The following RTL5 variants were observed in gnomAD, a reference collection of about 807,000 sequenced individuals.
The protein encoded by RTL5 is retrotransposon Gag like 5, also known as retrotransposon Gag-like protein 5.
In RTL5, 8 loss-of-function variants were observed where a neutral mutation model predicts 7.7. The observed-to-expected ratio is 1.04, with a 90% CI of 0.61 to 1.88. RTL5 has a LOEUF of 1.88. Ranked by LOEUF, RTL5 falls within the 40% of genes most tolerant of loss-of-function variation. RTL5 has a pLI of 0.00. For synonymous variants in RTL5, 188 were observed against 191.8 expected (o/e 0.98, Z 0.16); for missense variants, 457 against 472.7 (o/e 0.97, Z 0.31).
chrX:72,129,512 A>G lies in RTL5; in HGVS notation c.*319T>C, dbSNP rs10126749. 6.4e-3 allele frequency: 1,668 copies of G among 260,857 alleles called. 29 individuals are homozygous for G. Among genetic ancestry groups the G allele is most frequent in the African/African-American group, 0.042 (1,543 of 36,421 alleles). 21.5% of individuals were successfully genotyped at this position (260,857 alleles called of 1,213,427 possible). A position where few individuals can be genotyped will look rare whatever the true frequency, so the allele number is the denominator to read the frequency against. ...TGAGGGTTAGGAACAACCAGAGGGG[A>G]AATACAAGAGGGTGACCAGTTCATT... On this transcript the variant is annotated 3_prime_UTR_variant, in exon 1 of 1. Transcript: ENST00000609883.
exon 1 of RTL5, chrX:72,129,916 T>G: frequency 2.5e-6 from 3 of 1,211,006 alleles, no homozygotes; most frequent in Non-Finnish European, 3.4e-6. Flanking sequence ...TCTTCGAACT[T>G]GGCGTTGTCC....
chrX:72,131,672 G>A, exon 1 of RTL5: 1 of 610,016 alleles, frequency 1.6e-6, no homozygotes. Context: ...GCACGGGCCA[G>A]GCCGGGCCAC....
exon 1 of RTL5, chrX:72,129,903 G>T: frequency 8.3e-7 from 1 of 1,209,675 alleles, no homozygotes; most frequent in East Asian, 3.0e-5. Context: ...GCACAGGGGG[G>T]CGTCTTCGAA....
At chrX:72,130,526 C>T in exon 1 of RTL5, 1 of 1,211,125 alleles carries the variant, frequency 8.3e-7, no homozygotes, top group Non-Finnish European at 1.1e-6. Flanking sequence ...TCTTCATCTT[C>T]ACTTTCTTCC....
chrX:72,131,015 C>G lies in RTL5; in HGVS notation c.526G>C (p.Asp176His), dbSNP rs776392904. The stretch of plus-strand genomic sequence containing the variant: ...CCCCCGGGGAAATGAACCTCATGGT[C>G]GGCTATGAAGGTCTCTAGCTGCATC... Residue 176 changes from aspartate to histidine, a missense_variant, in exon 1 of 1, where the codon GAC becomes CAC. Asp to His is a moderately conservative substitution (Grantham distance 81). Transcript: ENST00000609883. 33 of 1,208,802 alleles carry G rather than the reference C, an allele frequency of 2.7e-5. 1 individual carries two copies. The highest frequency in any genetic ancestry group is 2.3e-4 in the Middle Eastern group (1 of 4,374).
chrX:72,131,282 A>G, exon 1 of RTL5: 1 of 1,200,272 alleles, frequency 8.3e-7, no homozygotes, highest in Non-Finnish European at 1.1e-6. Context: ...GGCCGGCACA[A>G]GAAGGGCAGT....
exon 1 of RTL5, chrX:72,127,937 C>G (rs867540394): frequency 8.9e-6 from 1 of 112,885 alleles, no homozygotes; most frequent in African/African-American, 3.2e-5. Flanking sequence ...GAAAGGAAAG[C>G]AGCAAAGTGT....
rs771440844 is a variant in RTL5 at position 72,130,745 on chromosome X, A to C, written c.796T>G (p.Ser266Ala). 1.2e-5 allele frequency: 15 copies of C among 1,210,294 alleles called. No individual in the cohort carries two copies. In the South Asian group the frequency reaches 2.6e-4, roughly 21 times the overall value. Residue 266 changes from serine to alanine, a missense_variant, in exon 1 of 1, where the codon TCT becomes GCT. Ser to Ala is a moderately conservative substitution (Grantham distance 99, BLOSUM62 1). Coordinates refer to ENST00000609883, the Ensembl canonical transcript of RTL5. ...TTTTGGAGGCGGCAGTCATCCCAAG[A>C]CAAGAATTGGGCCAGGAACTGAAAA...
exon 1 of RTL5, chrX:72,129,772 A>T: frequency 9.2e-7 from 1 of 1,084,731 alleles, no homozygotes; most frequent in South Asian, 2.2e-5. Flanking sequence ...TGGCAGCAAT[A>T]GCAGGGGCGG....
chrX:72,131,212 T>C, exon 1 of RTL5: 1 of 1,201,856 alleles, frequency 8.3e-7, no homozygotes, highest in Non-Finnish European at 1.1e-6. Context: ...GGTGCTGCGA[T>C]CCTGGATCAC....
chrX:72,128,299 T>A (rs1442680599), exon 1 of RTL5: 1 of 112,034 alleles, frequency 8.9e-6, no homozygotes, highest in African/African-American at 3.3e-5. Context: ...TCGGTCAGAC[T>A]CCCATGAGGA....
chrX:72,130,320 C>T (rs2042275724), exon 1 of RTL5: 4 of 1,180,292 alleles, frequency 3.4e-6, no homozygotes, highest in Admixed American at 2.2e-5. Flanking sequence ...TTATCTCCTC[C>T]TCCTCCTCTT....
At chrX:72,131,154 C>T (rs1174679435) in exon 1 of RTL5, 13 of 1,125,172 alleles carry the variant, frequency 1.2e-5, no homozygotes, top group African/African-American at 3.9e-5. Context: ...GAGGCAGCGC[C>T]GGCGGGGGCG....
rs752851219 is a variant in RTL5, at chrX:72,129,944, G to A, written c.1597C>T (p.Arg533Cys). ...CGTTGTCCTAAACGACCTGTGCGGC[G>A]AATCAGTTGGGGGGAGCTGTAGAAT... The change falls in exon 1 of 1, where the codon CGC becomes TGC. Residue 533 changes from arginine (R) to cysteine (C), a missense_variant. Coordinates refer to ENST00000609883, the Ensembl canonical transcript of RTL5. The A allele has an allele frequency of 7.4e-6, 9 of 1,209,437 alleles. No homozygotes were observed. In the African/African-American group the frequency reaches 1.1e-4, roughly 14 times the overall value.
chrX:72,128,385 G>A (rs2042248546), exon 1 of RTL5: 1 of 112,824 alleles, frequency 8.9e-6, no homozygotes. Context: ...GCCAGTCACT[G>A]TGCAGAAAGT....
At chrX:72,130,483 C>A (rs1159082995) in exon 1 of RTL5, 1 of 1,210,888 alleles carries the variant, frequency 8.3e-7, no homozygotes, top group Non-Finnish European at 1.1e-6. Context: ...CCTGTGCCTG[C>A]GTGCCTCTTG....
exon 1 of RTL5, chrX:72,130,914 T>A (rs758354841): frequency 1.2e-5 from 14 of 1,211,989 alleles, no homozygotes; most frequent in Non-Finnish European, 1.6e-5. Flanking sequence ...AGGGGCTTCC[T>A]TCCTGGGTGA....
chrX:72,127,902 G>C (rs2042243184), exon 1 of RTL5: 1 of 112,638 alleles, frequency 8.9e-6, no homozygotes, highest in Non-Finnish European at 1.9e-5. Context: ...TCTCAGCTTT[G>C]ACAAGACATA....
exon 1 of RTL5, chrX:72,130,024 C>G (rs771936813): frequency 2.5e-6 from 3 of 1,211,091 alleles, no homozygotes; most frequent in Non-Finnish European, 3.4e-6. Flanking sequence ...CTGGTTCCTC[C>G]GTCTGCTAGG....
Sources: allele counts gnomAD v4.1 joint callset, GRCh38; gene constraint gnomAD v4.1.1; transcripts MANE v1.5; gene names NCBI Gene and HGNC (gene_info 2026-07-23, HGNC 2026-07-21).